The following SHANK2 variants were observed in gnomAD, a reference collection of about 807,000 sequenced individuals.
SHANK2 encodes SH3 and multiple ankyrin repeat domains 2, also known as SH3 and multiple ankyrin repeat domains protein 2.
SHANK2 carries 43 observed loss-of-function variants against 133.7 expected under a neutral mutation model. The observed-to-expected ratio is 0.32, with a 90% CI of 0.25 to 0.41. The LOEUF (loss-of-function observed/expected upper bound fraction) is 0.41. Ranked by LOEUF, SHANK2 falls within the 10% of genes least tolerant of loss-of-function variation. The pLI is 1.00. For synonymous variants in SHANK2, 1,017 were observed against 952.8 expected, an observed-to-expected ratio of 1.07 and a Z score of -1.24; for missense variants, 1,994 against 2,235.8, an observed-to-expected ratio of 0.89 and a Z score of 2.18.
At chr11:70,828,740 G>A (rs535585725) in intron 11 of SHANK2, among the ~76,000 whole-genome samples, 19 of 152,326 alleles carry the variant, frequency 1.2e-4, no homozygotes, top group African/African-American at 4.6e-4. Context: ...GTCCGTATTG[G>A]TGTGTACAGG....
intron 9 of SHANK2, among the ~76,000 whole-genome samples, chr11:71,065,968 C>G (rs1342554804): frequency 1.1e-5 from 1 of 93,586 alleles, no homozygotes; most frequent in Non-Finnish European, 2.0e-5. Flanking sequence ...GGGAGATGAG[C>G]AGTGAGTGGG....
intron 8 of SHANK2, among the ~76,000 whole-genome samples, chr11:71,076,022 G>A (rs941848689): frequency 1.3e-5 from 2 of 152,308 alleles, no homozygotes; most frequent in East Asian, 1.9e-4. Context: ...GTTCAGATGA[G>A]AATCACGTGG....
chr11:71,221,660 G>A (rs540350638), intron 2 of SHANK2, among the ~76,000 whole-genome samples: 10 of 152,116 alleles, frequency 6.6e-5, no homozygotes, highest in East Asian at 1.9e-4. Flanking sequence ...AATTAATTCC[G>A]TTACTCCTAA....
rs1590963979 is a variant in SHANK2 at position 71,151,589 on chromosome 11, G to A, written c.-12-4251C>T. Among the ~76,000 whole-genome samples, 3 of 152,322 alleles carry A rather than the reference G, an allele frequency of 2.0e-5. No homozygotes were observed. In the East Asian group the frequency reaches 5.8e-4, roughly 29 times the overall value. On this transcript the variant is annotated intron_variant, in intron 2 of 25. Transcript: ENST00000601538. ...GAAGGGAAAGAGCCCTTCTTAAGTGGAGCCAAAGCTACTCAGAGCTCATGT... is the reference window on the plus strand; with the variant it reads ...GAAGGGAAAGAGCCCTTCTTAAGTGAAGCCAAAGCTACTCAGAGCTCATGT...
intron 10 of SHANK2, among the ~76,000 whole-genome samples, chr11:70,901,470 A>G (rs1950022180): frequency 6.6e-6 from 1 of 152,212 alleles, no homozygotes. Flanking sequence ...CAGGTTTTTC[A>G]GAGCCCTAGA....
chr11:70,558,144 G>T (rs1319756036), intron 17 of SHANK2, among the ~76,000 whole-genome samples: 2 of 152,196 alleles, frequency 1.3e-5, no homozygotes, highest in African/African-American at 2.4e-5. Context: ...TCTTTCTGGG[G>T]ATTCTCGGAG....
intron 14 of SHANK2, among the ~76,000 whole-genome samples, chr11:70,748,726 AC>A (rs781918136): frequency 2.0e-5 from 3 of 152,242 alleles, no homozygotes; most frequent in Non-Finnish European, 4.4e-5. Context: ...GACATTGTTT[AC>A]AACACAACCG....
intron 17 of SHANK2, among the ~76,000 whole-genome samples, chr11:70,584,872 C>G (rs956135335): frequency 1.3e-5 from 2 of 152,242 alleles, no homozygotes; most frequent in Non-Finnish European, 2.9e-5. Context: ...TCCAGGAAAG[C>G]AAGTCCCTGA....
At chr11:71,098,959 A>AC (rs1951673156) in intron 6 of SHANK2, among the ~76,000 whole-genome samples, 2 of 152,100 alleles carry the variant, frequency 1.3e-5, no homozygotes, top group Non-Finnish European at 2.9e-5. Flanking sequence ...CAGCCAGGAG[A>AC]TGGGGGGGCA....
chr11:70,518,033 T>G (rs188808319), intron 17 of SHANK2, among the ~76,000 whole-genome samples: 1 of 152,328 alleles, frequency 6.6e-6, no homozygotes, highest in Admixed American at 6.5e-5. Flanking sequence ...AGTCTACTAA[T>G]TAAAAAGAGG....
At chr11:70,637,681 G>A (rs1007950902) in intron 17 of SHANK2, among the ~76,000 whole-genome samples, 4 of 152,346 alleles carry the variant, frequency 2.6e-5, no homozygotes, top group Non-Finnish European at 4.4e-5. Flanking sequence ...GCGCCCTGGC[G>A]AGGGGAGACT....
intron 11 of SHANK2, among the ~76,000 whole-genome samples, chr11:70,841,651 G>A (rs910364791): frequency 6.6e-5 from 10 of 152,178 alleles, no homozygotes; most frequent in African/African-American, 9.7e-5. Context: ...TGGAAGGTCC[G>A]GGGCCCCTTT....
intron 2 of SHANK2, among the ~76,000 whole-genome samples, chr11:71,213,939 A>G (rs950155634): frequency 1.3e-5 from 2 of 152,140 alleles, no homozygotes; most frequent in African/African-American, 2.4e-5. Context: ...ATGCACTCGC[A>G]TGCACAAGCC....
chr11:70,592,240 G>A (rs112755444), intron 17 of SHANK2, among the ~76,000 whole-genome samples: 4,482 of 152,116 alleles, frequency 0.029, 107 homozygotes, highest in South Asian at 0.045. Flanking sequence ...GGGGACAGGG[G>A]AAAGACAGAG....
intron 10 of SHANK2, among the ~76,000 whole-genome samples, chr11:70,934,730 G>A (rs538533189): frequency 2.0e-5 from 3 of 152,224 alleles, no homozygotes; most frequent in Non-Finnish European, 2.9e-5. Flanking sequence ...TAGAAGAGGC[G>A]AATGGGAACC....
chr11:71,181,736 C>T (rs189022473), intron 2 of SHANK2, among the ~76,000 whole-genome samples: 65 of 152,234 alleles, frequency 4.3e-4, no homozygotes, highest in African/African-American at 1.3e-3. Flanking sequence ...AACAAAGAGC[C>T]GCAGGTGTGG....
At chr11:70,584,202 G>A (rs1554986157) in intron 17 of SHANK2, among the ~76,000 whole-genome samples, 1 of 152,186 alleles carries the variant, frequency 6.6e-6, no homozygotes, top group Admixed American at 6.5e-5. Flanking sequence ...GCACACTTGC[G>A]GGTCTGGTGA....
chr11:70,929,143 G>A (rs782741184), intron 10 of SHANK2, among the ~76,000 whole-genome samples: 1 of 152,214 alleles, frequency 6.6e-6, no homozygotes, highest in Non-Finnish European at 1.5e-5. Flanking sequence ...TTGTACCTGA[G>A]GTTGCCATCT....
intron 4 of SHANK2, among the ~76,000 whole-genome samples, chr11:71,114,318 G>A (rs1951940907): frequency 6.6e-6 from 1 of 152,070 alleles, no homozygotes; most frequent in Admixed American, 6.5e-5. Flanking sequence ...ACCCTGCACG[G>A]TTACACATGT....
Sources: gnomAD v4.1 joint callset for allele counts (sites outside exome capture counted in the v4.1 genomes callset) on GRCh38, gnomAD v4.1.1 for gene constraint, MANE v1.5 for transcripts, NCBI Gene and HGNC (gene_info 2026-07-23, HGNC 2026-07-21) for gene names.